GLIS3: variants seen among roughly 807,000 people sequenced by gnomAD.
GLIS3 encodes the protein GLIS family zinc finger 3.
GLIS3 carries 53 observed loss-of-function variants against 78.6 expected under a neutral mutation model. The observed-to-expected ratio is 0.67, with a 90% confidence interval of 0.54 to 0.85. The LOEUF (loss-of-function observed/expected upper bound fraction) is 0.85. GLIS3 is among the 40% of genes least tolerant of loss of function. The probability of loss-of-function intolerance (pLI) is 0.00; values close to 1 mark genes in which losing one functional copy is unlikely to be tolerated. For missense variants in GLIS3, 1,703 were observed against 1,231.1 expected (o/e 1.38, Z -5.74); for synonymous variants, 684 against 509.9 (o/e 1.34, Z -4.60).
At chr9:3,857,987 C>T (rs1037951739) in intron 8 of GLIS3, among the ~76,000 whole-genome samples, 1 of 152,152 alleles carries the variant, frequency 6.6e-6, no homozygotes, top group Non-Finnish European at 1.5e-5. Flanking sequence ...AACACCTAAT[C>T]CCAAATCCCC....
intron 2 of GLIS3, among the ~76,000 whole-genome samples, chr9:4,258,469 A>T (rs1043157936): frequency 6.6e-6 from 1 of 152,178 alleles, no homozygotes; most frequent in African/African-American, 2.4e-5. Context: ...AAGTGTTGGG[A>T]ATTTGTCTTT....
intron 6 of GLIS3, among the ~76,000 whole-genome samples, chr9:3,903,781 G>C (rs141412292): frequency 6.6e-6 from 1 of 152,256 alleles, no homozygotes; most frequent in East Asian, 1.9e-4. Flanking sequence ...AGAAGATAAA[G>C]GTAGATGAGA....
chr9:4,058,619 T>C (rs1826344354), intron 4 of GLIS3, among the ~76,000 whole-genome samples: 1 of 152,154 alleles, frequency 6.6e-6, no homozygotes, highest in African/African-American at 2.4e-5. Context: ...CTATTTCCTC[T>C]CTTGGCCAAG....
rs1315271767 is a variant in GLIS3, at chr9:4,159,033, GAA to G, written c.389-33094_389-33093del. On this transcript the variant is annotated intron_variant, in intron 2 of 10. Transcript: ENST00000381971. ...TGGTATGCTAGAGAAAGGAGAAGAA[GAA>G]AAAAAAAAAAAAAAGCCAGGCTAGC... 6.5e-3 allele frequency among the ~76,000 whole-genome samples: 567 copies of G among 87,680 alleles called. 6 individuals carry two copies. The highest frequency in any genetic ancestry group is 0.013 in the Admixed American group (100 of 7,898). The allele number at this position is 87,680 out of a possible 152,430, so 57.5% of individuals were successfully genotyped here. A position where few individuals can be genotyped will look rare whatever the true frequency, so the allele number is the denominator to read the frequency against.
At chr9:4,227,430 G>C (rs538492247) in intron 2 of GLIS3, among the ~76,000 whole-genome samples, 4 of 152,102 alleles carry the variant, frequency 2.6e-5, no homozygotes, top group South Asian at 2.1e-4. Flanking sequence ...CTTTCAGATT[G>C]TATTGATCTC....
At chr9:3,942,829 G>A (rs1287376653) in intron 4 of GLIS3, among the ~76,000 whole-genome samples, 1 of 152,144 alleles carries the variant, frequency 6.6e-6, no homozygotes, top group African/African-American at 2.4e-5. Flanking sequence ...GGATCATTAG[G>A]TCACCTTAAT....
chr9:4,279,128 CA>C (rs1316862862), intron 2 of GLIS3, among the ~76,000 whole-genome samples: 1 of 151,464 alleles, frequency 6.6e-6, no homozygotes, highest in Admixed American at 6.6e-5. Flanking sequence ...GGTGAAACCC[CA>C]TCTCTAATAA....
chr9:3,926,822 G>T (rs1318070854), intron 6 of GLIS3, among the ~76,000 whole-genome samples: 1 of 151,292 alleles, frequency 6.6e-6, no homozygotes, highest in Non-Finnish European at 1.5e-5. Flanking sequence ...ATGGGGATTC[G>T]TCATGTTGGC....
intron 3 of GLIS3, among the ~76,000 whole-genome samples, chr9:4,125,339 ACT>A (rs1182483739): frequency 6.6e-6 from 1 of 152,014 alleles, no homozygotes; most frequent in East Asian, 1.9e-4. Flanking sequence ...CTGCCTGGAA[ACT>A]CTGCATCATA....
chr9:4,466,241 G>T, the GLIS3 span, among the ~76,000 whole-genome samples: 3 of 152,128 alleles, frequency 2.0e-5, no homozygotes, highest in Non-Finnish European at 4.4e-5. Flanking sequence ...ACAAATTACT[G>T]AAATTGACCT....
At chr9:3,952,406 C>G (rs557010929) in intron 4 of GLIS3, among the ~76,000 whole-genome samples, 1 of 152,226 alleles carries the variant, frequency 6.6e-6, no homozygotes, top group East Asian at 1.9e-4. Flanking sequence ...TGTCTGATCC[C>G]GGCCAGGCTC....
chr9:4,104,538 G>C (rs191863359), intron 4 of GLIS3, among the ~76,000 whole-genome samples: 65 of 152,170 alleles, frequency 4.3e-4, no homozygotes, highest in African/African-American at 1.3e-3. Flanking sequence ...TAGCATTTAG[G>C]GATTCTATTA....
intron 2 of GLIS3, among the ~76,000 whole-genome samples, chr9:4,264,517 CT>C (rs1179439769): frequency 6.6e-6 from 1 of 152,186 alleles, no homozygotes; most frequent in Non-Finnish European, 1.5e-5. Flanking sequence ...AATCTCTGAA[CT>C]TCCTATCTCA....
At chr9:4,161,575 G>C (rs1835478462) in intron 2 of GLIS3, among the ~76,000 whole-genome samples, 1 of 151,868 alleles carries the variant, frequency 6.6e-6, no homozygotes, top group Non-Finnish European at 1.5e-5. Flanking sequence ...TACTTCACTT[G>C]CTGTATTAGT....
rs566891022 is a variant in GLIS3, at chr9:4,295,216, C to G, written c.-99+4205G>C. Reference sequence around the variant, plus strand: ...TTATTATGGGGGTTGCTGGCCCTCACGAAAGGACGGTGAAATACACTCTGG... The same window carrying G: ...TTATTATGGGGGTTGCTGGCCCTCAGGAAAGGACGGTGAAATACACTCTGG... On this transcript the variant is annotated intron_variant, in intron 1 of 10. Transcript: ENST00000381971. Among the ~76,000 whole-genome samples, 340 of 152,148 alleles carry G rather than the reference C, an allele frequency of 2.2e-3. 1 individual carries two copies. Among genetic ancestry groups the G allele is most frequent in the African/African-American group, 8.0e-3 (331 of 41,502 alleles).
At chr9:4,255,924 T>C (rs1438878484) in intron 2 of GLIS3, among the ~76,000 whole-genome samples, 1 of 152,202 alleles carries the variant, frequency 6.6e-6, no homozygotes, top group East Asian at 1.9e-4. Context: ...TCTGTGGGGA[T>C]GTTGATAATG....
At chr9:4,307,056 A>G (rs952343500) in intron 4 of GLIS3, among the ~76,000 whole-genome samples, 1 of 152,360 alleles carries the variant, frequency 6.6e-6, no homozygotes, top group South Asian at 2.1e-4. Context: ...TTTAAGACAC[A>G]GTTTAGTTAT....
chr9:3,903,174 G>A (rs1045797186), intron 6 of GLIS3, among the ~76,000 whole-genome samples: 3 of 152,156 alleles, frequency 2.0e-5, no homozygotes, highest in East Asian at 3.8e-4. Flanking sequence ...GGCCATAAAC[G>A]CGAAGAAATT....
the GLIS3 span, among the ~76,000 whole-genome samples, chr9:4,372,718 T>C: frequency 6.6e-6 from 1 of 152,182 alleles, no homozygotes; most frequent in Non-Finnish European, 1.5e-5. Flanking sequence ...AAATACATGA[T>C]TTTCCTAAAG....
Sources: allele counts gnomAD v4.1 joint callset (sites outside exome capture counted in the v4.1 genomes callset), GRCh38; gene constraint gnomAD v4.1.1; transcripts MANE v1.5; gene names NCBI Gene and HGNC (gene_info 2026-07-23, HGNC 2026-07-21).